The following CAPN13 variants were observed in gnomAD, a reference collection of about 807,000 sequenced individuals.
CAPN13 encodes calpain-13.
CAPN13 carries 90 observed loss-of-function variants against 98.4 expected under a neutral mutation model. That is an observed-to-expected ratio of 0.92 (90% confidence interval 0.77 to 1.09). The LOEUF is 1.09. Among genes scored for constraint, CAPN13 ranks in the 50% least tolerant of loss-of-function variants. CAPN13 has a pLI of 0.00. For synonymous variants in CAPN13, 330 were observed against 305.5 expected (o/e 1.08, Z -0.84); for missense variants, 887 against 841.3 (o/e 1.05, Z -0.67).
In CAPN13 at chr2:30,727,549, A is replaced by C. The variant is rs192353366; in HGVS notation, c.*30+3181T>G. ...CGAAGATATAAAATAACCCACAAGCACTGAAAAGATGCTCAAAATCATTAG... is the reference window on the plus strand; with the variant it reads ...CGAAGATATAAAATAACCCACAAGCCCTGAAAAGATGCTCAAAATCATTAG... On this transcript the variant is annotated intron_variant, in intron 22 of 22. Coordinates refer to ENST00000295055, the MANE Select transcript of CAPN13 (RefSeq NM_144575.3). Among the ~76,000 whole-genome samples, 113 of 152,318 alleles carry C rather than the reference A, an allele frequency of 7.4e-4. 1 individual carries two copies. Among genetic ancestry groups the C allele is most frequent in the African/African-American group, 2.5e-3 (105 of 41,570 alleles).
At chr2:30,726,059 A>G (rs56043457) in intron 22 of CAPN13, among the ~76,000 whole-genome samples, 8,681 of 152,274 alleles carry the variant, frequency 0.057, 363 homozygotes, top group East Asian at 0.17. Context: ...AGAATGATTT[A>G]TTTCGGTTAT....
intron 22 of CAPN13, among the ~76,000 whole-genome samples, chr2:30,724,967 G>T (rs1370615972): frequency 6.6e-6 from 1 of 152,208 alleles, no homozygotes; most frequent in Non-Finnish European, 1.5e-5. Flanking sequence ...AAATCCTGCA[G>T]AATAGGAGAA....
At position 30,731,461 on chromosome 2, in the gene CAPN13, G is replaced by T. The variant is rs1411448617; in HGVS notation, c.1928-62C>A. On this transcript the variant is annotated intron_variant, in intron 20 of 22. Transcript: ENST00000295055. ...AGGAAGGAATCCAGGCAGTTCAGGG[G>T]AGGCAGGCCTGGGCCCATAAGAAGC... The T allele has an allele frequency of 1.7e-5, 25 of 1,470,456 alleles. No homozygotes were observed. The South Asian group carries it at 2.9e-4, about 17-fold the overall frequency. The allele number at this position is 1,470,456 out of a possible 1,614,324, so 91.1% of individuals were successfully genotyped here.
chr2:30,733,358 C>A (rs1001026482), intron 19 of CAPN13, among the ~76,000 whole-genome samples: 1 of 152,192 alleles, frequency 6.6e-6, no homozygotes, highest in Non-Finnish European at 1.5e-5. Context: ...TGTTTTCTGA[C>A]TGTGAGCTCC....
intron 10 of CAPN13, 126 bp downstream of exon 10, chr2:30,752,927 T>TC (rs967740795): frequency 9.6e-7 from 1 of 1,043,118 alleles, no homozygotes; most frequent in African/African-American, 1.6e-5. Context: ...GCTGACAAAC[T>TC]CCCCTCCTTT....
chr2:30,768,517 C>T (rs1434011813), intron 5 of CAPN13, among the ~76,000 whole-genome samples: 1 of 152,216 alleles, frequency 6.6e-6, no homozygotes, highest in Non-Finnish European at 1.5e-5. Flanking sequence ...AGCCTTGCTC[C>T]AGCCCCTGGG....
chr2:30,777,033 A>G (rs1275276821), intron 3 of CAPN13, among the ~76,000 whole-genome samples: 1 of 151,824 alleles, frequency 6.6e-6, no homozygotes. Flanking sequence ...CTGTCTCCCA[A>G]CTCCTATCCA....
intron 19 of CAPN13, among the ~76,000 whole-genome samples, chr2:30,734,188 T>C (rs1464186899): frequency 6.6e-6 from 1 of 152,196 alleles, no homozygotes; most frequent in Non-Finnish European, 1.5e-5. Context: ...ACGGCTATTT[T>C]CTCACAATTA....
At chr2:30,765,352 C>CA (rs1476121155) in intron 5 of CAPN13, among the ~76,000 whole-genome samples, 1 of 152,238 alleles carries the variant, frequency 6.6e-6, no homozygotes. Context: ...GAGCCACACT[C>CA]ACTGCTGCCT....
intron 6 of CAPN13, 74 bp downstream of exon 6, chr2:30,764,058 G>T: frequency 7.0e-7 from 1 of 1,437,752 alleles, no homozygotes; most frequent in Non-Finnish European, 9.4e-7. Context: ...CTCCTTAGCT[G>T]AATGGACCCC....
intron 2 of CAPN13, among the ~76,000 whole-genome samples, chr2:30,781,936 C>T (rs1438880530): frequency 2.6e-5 from 4 of 152,118 alleles, no homozygotes; most frequent in Non-Finnish European, 5.9e-5. Context: ...TTCTTTTTCT[C>T]TGGAGAACCC....
At chr2:30,773,220 G>A (rs1673503525) in intron 4 of CAPN13, among the ~76,000 whole-genome samples, 1 of 152,148 alleles carries the variant, frequency 6.6e-6, no homozygotes, top group African/African-American at 2.4e-5. Flanking sequence ...CTGCAGCATT[G>A]GAAGCTACAA....
chr2:30,744,210 G>A (rs1262375916), intron 12 of CAPN13, among the ~76,000 whole-genome samples: 1 of 152,192 alleles, frequency 6.6e-6, no homozygotes, highest in Non-Finnish European at 1.5e-5. Flanking sequence ...GTCAAGCATA[G>A]GGATTCCATT....
chr2:30,759,561 G>C (rs1192733841), intron 7 of CAPN13, among the ~76,000 whole-genome samples: 1 of 152,216 alleles, frequency 6.6e-6, no homozygotes, highest in Non-Finnish European at 1.5e-5. Context: ...CAGAGGAGAA[G>C]GACAAGTCTG....
At chr2:30,760,596 C>T (rs1351312805) in intron 7 of CAPN13, among the ~76,000 whole-genome samples, 6 of 152,204 alleles carry the variant, frequency 3.9e-5, no homozygotes, top group African/African-American at 9.7e-5. Flanking sequence ...GTCTGTGTCC[C>T]GCCTAGAGGG....
At position 30,723,963 on chromosome 2, in the gene CAPN13, C is replaced by T. The variant is rs1670775720; in HGVS notation, c.*31-727G>A. Reference sequence around the variant, plus strand: ...CTTGTCCCATTTCTATCCAAATTCCCCTCCCTAAACTCTTTCTTCTGATGT... The same window carrying T: ...CTTGTCCCATTTCTATCCAAATTCCTCTCCCTAAACTCTTTCTTCTGATGT... On this transcript the variant is annotated intron_variant, in intron 22 of 22. Coordinates refer to ENST00000295055, the MANE Select transcript of CAPN13 (RefSeq NM_144575.3). Among the ~76,000 whole-genome samples, 3 of 152,150 alleles carry T rather than the reference C, an allele frequency of 2.0e-5. 1 individual carries two copies. The highest frequency in any genetic ancestry group is 4.4e-5 in the Non-Finnish European group (3 of 68,032).
intron 13 of CAPN13, 128 bp downstream of exon 13, chr2:30,743,255 G>A (rs989201894): frequency 1.2e-6 from 1 of 849,700 alleles, no homozygotes; most frequent in Admixed American, 1.9e-5. Context: ...CTAGAGTGGG[G>A]CCAATATCAT....
At chr2:30,734,554 T>G in intron 18 of CAPN13, 30 bp from the exon 19 acceptor site, 1 of 1,567,576 alleles carries the variant, frequency 6.4e-7, no homozygotes, top group Non-Finnish European at 8.8e-7. Context: ...AAGAAGTCTG[T>G]GTGAAGACTG....
chr2:30,753,032 G>T, intron 10 of CAPN13, 21 bp downstream of exon 10: 2 of 1,612,924 alleles, frequency 1.2e-6, no homozygotes, highest in South Asian at 2.2e-5. Context: ...TGGGCAGTGT[G>T]ACCACCAGCG....
Sources: gnomAD v4.1 joint callset for allele counts (sites outside exome capture counted in the v4.1 genomes callset) on GRCh38, gnomAD v4.1.1 for gene constraint, MANE v1.5 for transcripts, NCBI Gene and HGNC (gene_info 2026-07-23, HGNC 2026-07-21) for gene names.